The following PCDHA2 variants were observed in gnomAD, a reference collection of about 807,000 sequenced individuals.
PCDHA2 encodes protocadherin alpha 2, also known as protocadherin alpha-2.
In PCDHA2, 58 loss-of-function variants were observed where a neutral mutation model predicts 66.0. The observed-to-expected ratio is 0.88, with a 90% confidence interval of 0.71 to 1.09. The LOEUF (loss-of-function observed/expected upper bound fraction) is 1.09. PCDHA2 is among the 50% of genes least tolerant of loss of function. PCDHA2 has a pLI of 0.00. For missense variants in PCDHA2, 1,267 were observed against 1,242.3 expected, an observed-to-expected ratio of 1.02 and a Z score of -0.30; for synonymous variants, 634 against 554.0, an observed-to-expected ratio of 1.14 and a Z score of -2.03.
At chr5:140,825,219 T>C (rs1394131939) in intron 1 of PCDHA2, 1 of 151,646 alleles carries the variant, frequency 6.6e-6, no homozygotes, top group East Asian at 1.9e-4. Flanking sequence ...AGTAGATTTG[T>C]TTTTCTTTTA....
intron 1 of PCDHA2, chr5:140,884,401 G>T (rs781854362): frequency 3.1e-6 from 5 of 1,613,996 alleles, no homozygotes; most frequent in Non-Finnish European, 4.2e-6. Flanking sequence ...CCAGCCTGTT[G>T]GTGCTCACGT....
intron 1 of PCDHA2, among the ~76,000 whole-genome samples, chr5:140,833,912 G>A (rs2150212045): frequency 3.3e-5 from 5 of 152,070 alleles, no homozygotes; most frequent in Non-Finnish European, 7.4e-5. Context: ...TAAACTTGCA[G>A]TTGTTTAAAT....
chr5:140,935,554 GA>G (rs2090429733), intron 1 of PCDHA2, among the ~76,000 whole-genome samples: 1 of 152,134 alleles, frequency 6.6e-6, no homozygotes, highest in Non-Finnish European at 1.5e-5. Flanking sequence ...AAGTATCTTG[GA>G]AAAGTTCCTC....
chr5:141,009,686 A>G lies in PCDHA2; in HGVS notation c.2596A>G (p.Thr866Ala). Residue 866 changes from threonine to alanine, a missense_variant, in exon 4 of 4, where the codon ACC becomes GCC. Thr to Ala is a moderately conservative substitution (Grantham distance 58). Coordinates refer to ENST00000526136, the MANE Select transcript of PCDHA2 (RefSeq NM_018905.3). ...VGAGVNSNSW[T>A]FKYGPGNPKQ... ...TGCGGGTGTCAACAGCAACAGCTGG[A>G]CCTTTAAATACGGACCAGGCAACCC... is the stretch of plus-strand genomic sequence containing the variant. The G allele has an allele frequency of 6.2e-7, 1 of 1,613,998 alleles. No homozygotes were observed. The highest frequency in any genetic ancestry group is 8.5e-7 in the Non-Finnish European group (1 of 1,179,996).
At chr5:140,802,007 TGAA>T in intron 1 of PCDHA2, 1 of 1,614,172 alleles carries the variant, frequency 6.2e-7, no homozygotes, top group Non-Finnish European at 8.5e-7. Flanking sequence ...CCGATTTGGA[TGAA>T]GGAGTAAATA....
chr5:140,947,685 G>T (rs553954790), intron 1 of PCDHA2, among the ~76,000 whole-genome samples: 1 of 151,508 alleles, frequency 6.6e-6, no homozygotes, highest in South Asian at 2.1e-4. Flanking sequence ...AATTGTCTCA[G>T]CATGTTCTGT....
At chr5:140,836,560 C>T (rs2150264075) in intron 1 of PCDHA2, 2 of 1,613,740 alleles carry the variant, frequency 1.2e-6, no homozygotes, top group South Asian at 1.1e-5. Flanking sequence ...TGCTCAGCGC[C>T]GTCCTCTGAG....
chr5:140,916,469 T>C (rs1051023499), intron 1 of PCDHA2, among the ~76,000 whole-genome samples: 2 of 152,194 alleles, frequency 1.3e-5, no homozygotes, highest in African/African-American at 4.8e-5. Flanking sequence ...TGCTGGTTAT[T>C]TGGTGCCCAA....
rs2047281878 is a variant in PCDHA2, at chr5:140,862,273, A to T, written c.2388+64921A>T. On this transcript the variant is annotated intron_variant, in intron 1 of 3. Coordinates refer to ENST00000526136, the MANE Select transcript of PCDHA2 (RefSeq NM_018905.3). ...CCAGAGTTAGCAGTAAGTCACTATC[A>T]TTCCCTGTACAGGAGGACGCTCCAC... The T allele has an allele frequency of 1.2e-5, 3 of 240,916 alleles. No individual in the cohort carries two copies. In the South Asian group the frequency reaches 1.9e-4, roughly 15 times the overall value. 14.9% of individuals were successfully genotyped at this position (240,916 alleles called of 1,614,324 possible).
chr5:140,821,735 T>G, intron 1 of PCDHA2: 1 of 1,535,068 alleles, frequency 6.5e-7, no homozygotes, highest in South Asian at 1.2e-5. Flanking sequence ...ATACATTGTG[T>G]GGTGATGCAA....
intron 1 of PCDHA2, among the ~76,000 whole-genome samples, chr5:140,806,354 C>T (rs534897912): frequency 1.3e-5 from 2 of 152,294 alleles, no homozygotes; most frequent in South Asian, 4.1e-4. Context: ...TACTTATAAA[C>T]TGTAAGAGTC....
chr5:140,796,023 G>GTC lies in PCDHA2; in HGVS notation c.1066_1067dup (p.Leu357HisfsTer34). 1 of 1,614,070 alleles carries GTC rather than the reference G, an allele frequency of 6.2e-7. No individual in the cohort carries two copies. The highest frequency in any genetic ancestry group is 1.7e-5 in the Admixed American group (1 of 60,024). Reference sequence around the variant, plus strand: ...ATAACACACCAGAAGTCTCAATAACGTCTCTCTCACTTCCCATCTCAGAGA... The same window carrying GTC: ...ATAACACACCAGAAGTCTCAATAACGTCTCTCTCTCACTTCCCATCTCAGAGA... On this transcript the variant is annotated frameshift_variant, in exon 1 of 4. Coordinates refer to ENST00000526136, the MANE Select transcript of PCDHA2 (RefSeq NM_018905.3). LOFTEE classifies it high-confidence loss of function.
chr5:140,802,694 G>C (rs782659406), intron 1 of PCDHA2: 3 of 1,612,738 alleles, frequency 1.9e-6, no homozygotes, highest in South Asian at 1.1e-5. Context: ...AACGGCGGGT[G>C]GGGGAGCGCG....
chr5:140,992,235 G>A (rs1272038759), intron 3 of PCDHA2, among the ~76,000 whole-genome samples: 7 of 152,154 alleles, frequency 4.6e-5, no homozygotes, highest in African/African-American at 1.7e-4. Flanking sequence ...GGAAGAGTAA[G>A]GAAGGAAGTA....
chr5:140,823,525 G>C (rs2150126646), intron 1 of PCDHA2: 4 of 1,613,736 alleles, frequency 2.5e-6, no homozygotes, highest in Non-Finnish European at 3.4e-6. Flanking sequence ...GCCGAGGTCA[G>C]TGGGTGCGGG....
At chr5:140,883,913 G>T (rs782585121) in intron 1 of PCDHA2, 1 of 1,613,478 alleles carries the variant, frequency 6.2e-7, no homozygotes, top group South Asian at 1.1e-5. Context: ...GGGCAGCAAC[G>T]TGACGCTGCA....
At chr5:140,810,520 T>C (rs1764674598) in intron 1 of PCDHA2, 1 of 152,260 alleles carries the variant, frequency 6.6e-6, no homozygotes, top group Non-Finnish European at 1.5e-5. Flanking sequence ...TTAGCCATTT[T>C]ACTGGGTGAC....
At chr5:140,870,627 G>A (rs782093554) in intron 1 of PCDHA2, 17 of 1,612,908 alleles carry the variant, frequency 1.1e-5, no homozygotes, top group Middle Eastern at 1.7e-4. Flanking sequence ...GCTACGTGTC[G>A]GTGCACGCGG....
chr5:141,009,724 T>C lies in PCDHA2; in HGVS notation c.2634T>C (p.Gly878=). ...KYGPGNPKQS[G]PGELPDKFII... The stretch of plus-strand genomic sequence containing the variant: ...GACCAGGCAACCCCAAACAATCCGG[T>C]CCCGGTGAGTTGCCCGACAAATTCA... Residue 878 remains glycine, a synonymous_variant, in exon 4 of 4, where the codon GGT becomes GGC. Transcript: ENST00000526136. 6.2e-7 allele frequency: 1 copy of C among 1,614,116 alleles called. No individual in the cohort carries two copies. Among genetic ancestry groups the C allele is most frequent in the South Asian group, 1.1e-5 (1 of 91,062 alleles).
Sources: allele counts gnomAD v4.1 joint callset (sites outside exome capture counted in the v4.1 genomes callset), GRCh38; gene constraint gnomAD v4.1.1; transcripts MANE v1.5; gene names NCBI Gene and HGNC (gene_info 2026-07-23, HGNC 2026-07-21).